Variants in MARK3 observed in about 807,000 individuals in gnomAD.
MARK3 encodes MAP/microtubule affinity-regulating kinase 3.
In MARK3, 46 loss-of-function variants were observed where a neutral mutation model predicts 90.1. The observed-to-expected ratio is 0.51, with a 90% confidence interval of 0.40 to 0.65. MARK3 has a LOEUF of 0.65. Ranked by LOEUF, MARK3 falls within the 30% of genes least tolerant of loss-of-function variation. MARK3 has a pLI of 0.00. For synonymous variants in MARK3, 321 were observed against 332.6 expected (o/e 0.97, Z 0.38); for missense variants, 818 against 947.2 (o/e 0.86, Z 1.79).
chr14:103,496,697 G>T (rs1195064567), intron 15 of MARK3, among the ~76,000 whole-genome samples: 1 of 151,178 alleles, frequency 6.6e-6, no homozygotes, highest in African/African-American at 2.4e-5. Context: ...ACAGGCATGA[G>T]CCACCACACC....
intron 13 of MARK3, among the ~76,000 whole-genome samples, chr14:103,477,480 A>G (rs1305425107): frequency 2.0e-5 from 3 of 151,916 alleles, no homozygotes; most frequent in African/African-American, 7.3e-5. Flanking sequence ...TAACAGAGCG[A>G]GACTCCATCT....
chr14:103,419,774 G>A (rs1347238521), intron 2 of MARK3, among the ~76,000 whole-genome samples: 1 of 152,050 alleles, frequency 6.6e-6, no homozygotes, highest in African/African-American at 2.4e-5. Flanking sequence ...TGTAGTGACT[G>A]ACAAAAAAAG....
chr14:103,397,368 C>G (rs1468880907), intron 1 of MARK3, among the ~76,000 whole-genome samples: 2 of 151,178 alleles, frequency 1.3e-5, no homozygotes, highest in Non-Finnish European at 1.5e-5. Context: ...ACTCTGTCAC[C>G]CAGACTGGAG....
intron 2 of MARK3, among the ~76,000 whole-genome samples, chr14:103,426,795 T>C (rs1417705446): frequency 1.3e-5 from 2 of 152,172 alleles, no homozygotes; most frequent in Non-Finnish European, 2.9e-5. Flanking sequence ...TAGGTGACCC[T>C]GCTGTTGCCG....
chr14:103,386,975 C>G (rs2089856498), intron 1 of MARK3, among the ~76,000 whole-genome samples: 1 of 152,220 alleles, frequency 6.6e-6, no homozygotes, highest in Admixed American at 6.5e-5. Context: ...TTTTCTAACT[C>G]TGTTCTCCTC....
Position 103,385,946 on chromosome 14 carries a change from A to G in MARK3, c.-84A>G. The G allele has an allele frequency of 9.0e-7, 1 of 1,108,146 alleles. No individual in the cohort carries two copies. Among genetic ancestry groups the G allele is most frequent in the Non-Finnish European group, 1.4e-6 (1 of 722,058 alleles). 68.6% of individuals were successfully genotyped at this position (1,108,146 alleles called of 1,614,324 possible). ...CGGCGCCTTTTCGGAACTGCCGTGG[A>G]CTCGAGGACGCTGGTCGCCGGCCTC... On this transcript the variant is annotated 5_prime_UTR_variant, in exon 1 of 18. Transcript: ENST00000429436.
chr14:103,485,063 C>CAAAAAAAAAAAAAAAAAA lies in MARK3; in HGVS notation c.1586+4590_1586+4591insAAAAAAAAAAAAAAAAAA, dbSNP rs34312214. On this transcript the variant is annotated intron_variant, in intron 14 of 17. Transcript: ENST00000429436. ...AGAAACCCCATCTCTACTAAAAATA[C>CAAAAAAAAAAAAAAAAAA]AAAAAAAAAAAAAAAAATTAGCCAG... Among the ~76,000 whole-genome samples, 76 of 97,712 alleles carry CAAAAAAAAAAAAAAAAAA rather than the reference C, an allele frequency of 7.8e-4. 5 individuals are homozygous for CAAAAAAAAAAAAAAAAAA. The highest frequency in any genetic ancestry group is 2.6e-3 in the African/African-American group (63 of 24,550). The allele number at this position is 97,712 out of a possible 152,430, so 64.1% of individuals were successfully genotyped here.
chr14:103,475,892 C>T (rs564961007), intron 13 of MARK3, among the ~76,000 whole-genome samples: 1 of 150,726 alleles, frequency 6.6e-6, no homozygotes, highest in Non-Finnish European at 1.5e-5. Flanking sequence ...TACAGTGAGC[C>T]GAGATCGCAT....
chr14:103,449,037 C>T (rs1041167265), intron 4 of MARK3, 70 bp downstream of exon 4: 17 of 1,420,068 alleles, frequency 1.2e-5, no homozygotes, highest in African/African-American at 4.3e-5. Context: ...AAGCTAAACA[C>T]GTATTCTAGA....
chr14:103,431,704 G>A (rs764293515), intron 3 of MARK3, among the ~76,000 whole-genome samples: 5 of 152,154 alleles, frequency 3.3e-5, no homozygotes, highest in South Asian at 2.1e-4. Context: ...ACTCCTTCCC[G>A]TAGCATCTTG....
At chr14:103,501,801 A>G (rs985063948) in intron 17 of MARK3, among the ~76,000 whole-genome samples, 13 of 151,994 alleles carry the variant, frequency 8.6e-5, no homozygotes, top group African/African-American at 3.1e-4. Flanking sequence ...TATCTTTGTA[A>G]CCCATTTAGT....
intron 14 of MARK3, among the ~76,000 whole-genome samples, chr14:103,485,435 G>C (rs8013101): frequency 0.34 from 50,961 of 150,968 alleles, 8,953 homozygotes; most frequent in Middle Eastern, 0.46. Context: ...CACCACACCT[G>C]GCTAATTTTT....
At chr14:103,468,314 C>CTTTTTTTTTTTTTTTTTT (rs759932678) in intron 12 of MARK3, 128 bp downstream of exon 12, 1 of 113,946 alleles carries the variant, frequency 8.8e-6, no homozygotes, top group African/African-American at 5.7e-5. Flanking sequence ...TTTCTTTCTT[C>CTTTTTTTTTTTTTTTTTT]TTTTTTTTTT....
At chr14:103,389,119 C>CTT (rs1223535026) in intron 1 of MARK3, among the ~76,000 whole-genome samples, 1 of 151,826 alleles carries the variant, frequency 6.6e-6, no homozygotes, top group Non-Finnish European at 1.5e-5. Context: ...AATCCCAGCA[C>CTT]TTTGAGAGGC....
At position 103,485,235 on chromosome 14, in the gene MARK3, A is replaced by G. The variant is rs1249313525; in HGVS notation, c.1586+4745A>G. ...ACAAGAGCAAAACCCCATCTCAAAG[A>G]AAAAAAAAAAAGGCTGCTTTTTTTT... is the stretch of plus-strand genomic sequence containing the variant. On this transcript the variant is annotated intron_variant, in intron 14 of 17. Transcript: ENST00000429436. Among the ~76,000 whole-genome samples, 4 of 81,642 alleles carry G rather than the reference A, an allele frequency of 4.9e-5. No homozygotes were observed. In the East Asian group the frequency reaches 1.1e-3, roughly 22 times the overall value. The allele number at this position is 81,642 out of a possible 152,430, so 53.6% of individuals were successfully genotyped here.
intron 1 of MARK3, among the ~76,000 whole-genome samples, chr14:103,402,077 G>T (rs1413338260): frequency 1.3e-5 from 2 of 152,150 alleles, no homozygotes; most frequent in Non-Finnish European, 2.9e-5. Context: ...AAAATGTATT[G>T]CATGTCTACC....
chr14:103,457,338 A>G (rs1011599133), intron 6 of MARK3, 126 bp downstream of exon 6: 12 of 642,640 alleles, frequency 1.9e-5, no homozygotes, highest in African/African-American at 1.8e-4. Flanking sequence ...TGGCCATTCA[A>G]TTCAACAAAA....
At chr14:103,405,830 C>T (rs1382643610) in intron 2 of MARK3, among the ~76,000 whole-genome samples, 8 of 151,000 alleles carry the variant, frequency 5.3e-5, no homozygotes, top group African/African-American at 1.7e-4. Flanking sequence ...AACTCCTGAC[C>T]TCGTGATCCA....
chr14:103,472,610 G>C (rs1192759621), intron 12 of MARK3, among the ~76,000 whole-genome samples: 1 of 139,012 alleles, frequency 7.2e-6, no homozygotes, highest in African/African-American at 2.7e-5. Flanking sequence ...TCATGCCACT[G>C]CACTCCAGCC....
Sources: gnomAD v4.1 joint callset for allele counts (sites outside exome capture counted in the v4.1 genomes callset) on GRCh38, gnomAD v4.1.1 for gene constraint, MANE v1.5 for transcripts, NCBI Gene and HGNC (gene_info 2026-07-23, HGNC 2026-07-21) for gene names.